MSRA: variants seen among roughly 807,000 people sequenced by gnomAD.
MSRA encodes mitochondrial peptide methionine sulfoxide reductase.
MSRA carries 54 observed loss-of-function variants against 31.3 expected under a neutral mutation model. The observed-to-expected ratio is 1.73, with a 90% confidence interval of 1.39 to 2.17. MSRA has a LOEUF of 2.17. Ranked by LOEUF, MSRA falls within the 30% of genes most tolerant of loss-of-function variation. The pLI is 0.00. For missense variants in MSRA, 507 were observed against 300.9 expected (o/e 1.69, Z -5.07); for synonymous variants, 169 against 116.5 (o/e 1.45, Z -2.90).
rs760134641 is a variant in MSRA, at chr8:10,071,144, C to G, written c.142+16486C>G. 2.0e-5 allele frequency among the ~76,000 whole-genome samples: 3 copies of G among 152,218 alleles called. No individual in the cohort carries two copies. The South Asian group carries it at 6.2e-4, about 32-fold the overall frequency. ...GCAACATATGAAGGATCTGATTTCT[C>G]TGCATCCTCTCTAGCATTTGGTGGT... On this transcript the variant is annotated intron_variant, in intron 1 of 5. Coordinates refer to ENST00000317173, the MANE Select transcript of MSRA (RefSeq NM_012331.5).
chr8:10,182,312 T>C (rs1806617003), intron 1 of MSRA, among the ~76,000 whole-genome samples: 1 of 152,208 alleles, frequency 6.6e-6, no homozygotes, highest in African/African-American at 2.4e-5. Context: ...ACTGTGTGTA[T>C]CAGTTACCTC....
chr8:10,102,970 T>A (rs913297384), intron 1 of MSRA, among the ~76,000 whole-genome samples: 6 of 152,310 alleles, frequency 3.9e-5, no homozygotes, highest in Middle Eastern at 3.4e-3. Flanking sequence ...TGATAACTTG[T>A]TTAATGATAG....
At chr8:10,341,599 T>C (rs1455297192) in intron 5 of MSRA, among the ~76,000 whole-genome samples, 1 of 152,160 alleles carries the variant, frequency 6.6e-6, no homozygotes, top group Non-Finnish European at 1.5e-5. Flanking sequence ...CTTGGACATC[T>C]CAAGGTAGTG....
At chr8:10,074,939 G>T (rs1204350194) in intron 1 of MSRA, among the ~76,000 whole-genome samples, 1 of 149,558 alleles carries the variant, frequency 6.7e-6, no homozygotes, top group East Asian at 1.9e-4. Context: ...GATTACAGGT[G>T]TGAGCCACCA....
In MSRA at chr8:10,194,924, A is replaced by C. The variant is rs938502488; in HGVS notation, c.143-12909A>C. Among the ~76,000 whole-genome samples the C allele has an allele frequency of 5.3e-5, 8 of 152,252 alleles. No individual in the cohort carries two copies. In the East Asian group the frequency reaches 1.3e-3, roughly 26 times the overall value. ...TATTTTTTATTTCCGTTTCTGAAAAAGTAATACATCACACAGAAGTTCAAA... is the reference window on the plus strand; with the variant it reads ...TATTTTTTATTTCCGTTTCTGAAAACGTAATACATCACACAGAAGTTCAAA... On this transcript the variant is annotated intron_variant, in intron 1 of 5. Transcript: ENST00000317173.
chr8:10,282,872 C>T (rs189245575), intron 3 of MSRA, among the ~76,000 whole-genome samples: 1 of 152,176 alleles, frequency 6.6e-6, no homozygotes, highest in Admixed American at 6.5e-5. Context: ...CAGCTCTCCT[C>T]TATATACTGT....
At chr8:10,298,472 C>T (rs1049222008) in intron 3 of MSRA, among the ~76,000 whole-genome samples, 3 of 151,750 alleles carry the variant, frequency 2.0e-5, no homozygotes, top group East Asian at 1.9e-4. Flanking sequence ...CCAGTGGGAG[C>T]GGGCAAGGGG....
chr8:10,244,499 C>T (rs1797509549), intron 2 of MSRA, among the ~76,000 whole-genome samples: 1 of 152,144 alleles, frequency 6.6e-6, no homozygotes, highest in Non-Finnish European at 1.5e-5. Context: ...CCCTTCCAAA[C>T]CCTTCTCCTG....
At chr8:10,261,654 G>T (rs1798491384) in intron 3 of MSRA, among the ~76,000 whole-genome samples, 1 of 152,106 alleles carries the variant, frequency 6.6e-6, no homozygotes, top group Admixed American at 6.5e-5. Flanking sequence ...CATTTTCTTG[G>T]CTATTAACAT....
chr8:10,426,478 G>T (rs1241618936), intron 5 of MSRA, among the ~76,000 whole-genome samples: 1 of 152,232 alleles, frequency 6.6e-6, no homozygotes, highest in Admixed American at 6.5e-5. Context: ...CAGAGTCTTG[G>T]GTCTGCTTCC....
At chr8:10,230,684 A>G (rs1274753317) in intron 2 of MSRA, among the ~76,000 whole-genome samples, 1 of 152,226 alleles carries the variant, frequency 6.6e-6, no homozygotes, top group East Asian at 1.9e-4. Context: ...GAATAAACTG[A>G]AGAGCAAAAA....
chr8:10,071,843 C>G (rs892020916), intron 1 of MSRA, among the ~76,000 whole-genome samples: 1 of 152,088 alleles, frequency 6.6e-6, no homozygotes, highest in Non-Finnish European at 1.5e-5. Flanking sequence ...CACTTGTGCC[C>G]GCTGTATCTC....
At chr8:10,393,934 A>T (rs776311706) in intron 5 of MSRA, among the ~76,000 whole-genome samples, 10 of 152,108 alleles carry the variant, frequency 6.6e-5, no homozygotes, top group African/African-American at 9.7e-5. Context: ...CAGGCACGGG[A>T]TATTTGGTGA....
intron 2 of MSRA, among the ~76,000 whole-genome samples, chr8:10,211,034 C>A (rs182068161): frequency 3.8e-4 from 58 of 152,246 alleles, no homozygotes; most frequent in African/African-American, 1.4e-3. Context: ...TCGCACCCGG[C>A]CACAATGTCG....
At chr8:10,216,216 G>A (rs965957617) in intron 2 of MSRA, among the ~76,000 whole-genome samples, 1 of 152,156 alleles carries the variant, frequency 6.6e-6, no homozygotes, top group Admixed American at 6.5e-5. Flanking sequence ...GCAAGACACA[G>A]CCAACTAACA....
At chr8:10,187,651 C>G (rs1001651208) in intron 1 of MSRA, among the ~76,000 whole-genome samples, 2 of 152,156 alleles carry the variant, frequency 1.3e-5, no homozygotes, top group African/African-American at 4.8e-5. Context: ...GTATTTCTTC[C>G]CATAGTGTTT....
At chr8:10,075,568 A>G (rs1385364094) in intron 1 of MSRA, among the ~76,000 whole-genome samples, 1 of 152,232 alleles carries the variant, frequency 6.6e-6, no homozygotes, top group Non-Finnish European at 1.5e-5. Context: ...AGTGAAAGAA[A>G]TGGCTCCCAG....
At chr8:10,197,418 G>T (rs4448276) in intron 1 of MSRA, among the ~76,000 whole-genome samples, 58,980 of 151,946 alleles carry the variant, frequency 0.39, 11,627 homozygotes, top group South Asian at 0.53. Context: ...CAGGATGCTT[G>T]GAGAGCTGCA....
In MSRA at chr8:10,171,647, C is replaced by G. The variant is rs541909585; in HGVS notation, c.143-36186C>G. The stretch of plus-strand genomic sequence containing the variant: ...AACCACAGCAAACGACTGATACGGA[C>G]TTACCCAGTTAATTACCTAAAGATT... On this transcript the variant is annotated intron_variant, in intron 1 of 5. Coordinates refer to ENST00000317173, the MANE Select transcript of MSRA (RefSeq NM_012331.5). Among the ~76,000 whole-genome samples the G allele has an allele frequency of 4.6e-5, 7 of 152,336 alleles. No homozygotes were observed. In the East Asian group the frequency reaches 1.4e-3, roughly 29 times the overall value.
Sources: gnomAD v4.1 joint callset for allele counts (sites outside exome capture counted in the v4.1 genomes callset) on GRCh38, gnomAD v4.1.1 for gene constraint, MANE v1.5 for transcripts, NCBI Gene and HGNC (gene_info 2026-07-23, HGNC 2026-07-21) for gene names.